RNF216: variants seen among roughly 807,000 people sequenced by gnomAD.
The protein encoded by RNF216 is E3 ubiquitin-protein ligase RNF216.
RNF216 carries 72 observed loss-of-function variants against 110.8 expected under a neutral mutation model. That is an observed-to-expected ratio of 0.65 (90% confidence interval 0.54 to 0.79). The LOEUF (loss-of-function observed/expected upper bound fraction) is 0.79. Ranked by LOEUF, RNF216 falls within the 30% of genes least tolerant of loss-of-function variation. RNF216 has a pLI of 0.00. For missense variants in RNF216, 1,342 were observed against 1,141.2 expected, an observed-to-expected ratio of 1.18 and a Z score of -2.54; for synonymous variants, 495 against 407.5, an observed-to-expected ratio of 1.21 and a Z score of -2.59.
At chr7:5,657,698 T>C (rs852518) in intron 13 of RNF216, among the ~76,000 whole-genome samples, 2,384 of 152,348 alleles carry the variant, frequency 0.016, 34 homozygotes, top group South Asian at 0.048. Context: ...CCAGGCCATC[T>C]GTGTCTTCTA....
chr7:5,749,926 T>C (rs1462056186), intron 3 of RNF216, among the ~76,000 whole-genome samples: 1 of 152,210 alleles, frequency 6.6e-6, no homozygotes, highest in Non-Finnish European at 1.5e-5. Context: ...TTTTAATGTT[T>C]TGTTTTCCAG....
At chr7:5,635,122 C>A (rs114430978) in intron 15 of RNF216, among the ~76,000 whole-genome samples, 211 of 152,218 alleles carry the variant, frequency 1.4e-3, no homozygotes, top group African/African-American at 4.8e-3. Context: ...CACATCATCT[C>A]CCTCATCTGC....
In RNF216 at chr7:5,641,245, A is replaced by C. The variant is rs1787714971; in HGVS notation, c.2291T>G (p.Ile764Ser). 2 of 1,614,204 alleles carry C rather than the reference A, an allele frequency of 1.2e-6. No individual in the cohort carries two copies. The highest frequency in any genetic ancestry group is 1.7e-6 in the Non-Finnish European group (2 of 1,180,042). The stretch of plus-strand genomic sequence containing the variant: ...TTGGCAGAAATGGTCATATCCATTA[A>C]TAGAAACTCGACAGAGGTAGCACAT... ...AQMCYLCRVSINGYDHFCQHP... is the reference protein window; with the variant it reads ...AQMCYLCRVSSNGYDHFCQHP... The change falls in exon 15 of 17, where the codon ATT (isoleucine) becomes AGT (serine). Residue 764 changes from isoleucine (I) to serine (S), a missense_variant. Physicochemically the swap from Ile to Ser is moderately radical, Grantham distance 142. Coordinates refer to ENST00000389902, the MANE Select transcript of RNF216 (RefSeq NM_207111.4).
chr7:5,646,433 C>G (rs979861911), intron 14 of RNF216, among the ~76,000 whole-genome samples: 1 of 151,934 alleles, frequency 6.6e-6, no homozygotes, highest in African/African-American at 2.4e-5. Flanking sequence ...GTGGCTCACA[C>G]CTGTAATCCC....
rs1439608918 is a variant in RNF216 at position 5,729,592 on chromosome 7, G to A, written c.1229C>T (p.Pro410Leu). 6.2e-7 allele frequency: 1 copy of A among 1,613,684 alleles called. No individual in the cohort carries two copies. Among genetic ancestry groups the A allele is most frequent in the Non-Finnish European group, 8.5e-7 (1 of 1,179,654 alleles). The change falls in exon 7 of 17, where the codon CCT becomes CTT. Residue 410 changes from proline (P) to leucine (L), a missense_variant. Coordinates refer to ENST00000389902, the MANE Select transcript of RNF216 (RefSeq NM_207111.4). Reference sequence around the variant, plus strand: ...AGAATAGTCAAAAAAGTCTATTTTAGGCAACTGAAATGAGAGAGAAGCATA... The same window carrying A: ...AGAATAGTCAAAAAAGTCTATTTTAAGCAACTGAAATGAGAGAGAAGCATA... Reference protein sequence around the residue: ...LLASQDETKLPKIDFFDYSKL... With the variant: ...LLASQDETKLLKIDFFDYSKL...
chr7:5,662,262 G>A (rs902488256), intron 13 of RNF216, among the ~76,000 whole-genome samples: 1 of 152,214 alleles, frequency 6.6e-6, no homozygotes, highest in Non-Finnish European at 1.5e-5. Flanking sequence ...ACACGTGTGA[G>A]GAAGTAGCTG....
At chr7:5,722,760 G>A (rs1234949216) in intron 8 of RNF216, among the ~76,000 whole-genome samples, 15 of 151,802 alleles carry the variant, frequency 9.9e-5, no homozygotes, top group African/African-American at 3.6e-4. Context: ...AGTGACTCAC[G>A]CCTGTAATCC....
chr7:5,671,668 G>A lies in RNF216; in HGVS notation c.2062-19158C>T, dbSNP rs147896387. On this transcript the variant is annotated intron_variant, in intron 13 of 16. Transcript: ENST00000389902. ...AAATACAAAAAAATCAGCTGGGCGC[G>A]GTGGCGGGCACCTGTAATCCCAGCT... Among the ~76,000 whole-genome samples the A allele has an allele frequency of 3.0e-3, 450 of 152,136 alleles. 1 individual carries two copies. The highest frequency in any genetic ancestry group is 0.01 in the African/African-American group (423 of 41,500).
At chr7:5,763,115 C>CA (rs201752029) in intron 1 of RNF216, among the ~76,000 whole-genome samples, 26 of 150,660 alleles carry the variant, frequency 1.7e-4, no homozygotes, top group African/African-American at 5.6e-4. Flanking sequence ...GTAATGGGGA[C>CA]AAAAAAAACA....
intron 13 of RNF216, among the ~76,000 whole-genome samples, chr7:5,672,432 C>T (rs1356580259): frequency 6.6e-6 from 1 of 152,184 alleles, no homozygotes; most frequent in Non-Finnish European, 1.5e-5. Context: ...AGAAGTGAAG[C>T]AACCAGACTT....
intron 5 of RNF216, among the ~76,000 whole-genome samples, chr7:5,735,739 C>T (rs1463482117): frequency 2.0e-5 from 3 of 152,172 alleles, no homozygotes; most frequent in Non-Finnish European, 4.4e-5. Context: ...AATCTATGGC[C>T]TGGTAGTGTA....
chr7:5,664,477 T>G (rs1188416517), intron 13 of RNF216, among the ~76,000 whole-genome samples: 3 of 152,260 alleles, frequency 2.0e-5, no homozygotes, highest in Non-Finnish European at 4.4e-5. Context: ...TAGGATGTTC[T>G]TTGTTGATTT....
chr7:5,693,057 C>T (rs1357434154), intron 13 of RNF216, among the ~76,000 whole-genome samples: 1 of 152,218 alleles, frequency 6.6e-6, no homozygotes, highest in Non-Finnish European at 1.5e-5. Flanking sequence ...ATCTTGGAGA[C>T]AGCTCCATAT....
At chr7:5,677,999 T>C (rs566241424) in intron 13 of RNF216, among the ~76,000 whole-genome samples, 2 of 152,248 alleles carry the variant, frequency 1.3e-5, no homozygotes, top group South Asian at 4.2e-4. Flanking sequence ...TAACCAGATT[T>C]TGCGACTGTT....
chr7:5,644,982 G>A (rs1428110936), intron 14 of RNF216, among the ~76,000 whole-genome samples: 3 of 151,794 alleles, frequency 2.0e-5, no homozygotes, highest in African/African-American at 4.8e-5. Flanking sequence ...GTGCCACCAC[G>A]CCTGGCTAAT....
intron 1 of RNF216, among the ~76,000 whole-genome samples, chr7:5,778,531 T>C (rs1422611173): frequency 2.6e-5 from 4 of 152,180 alleles, no homozygotes; most frequent in Non-Finnish European, 5.9e-5. Flanking sequence ...AGAACCAAAG[T>C]GTCACTTGAT....
intron 13 of RNF216, among the ~76,000 whole-genome samples, chr7:5,692,639 C>T (rs980491321): frequency 3.3e-5 from 5 of 152,222 alleles, no homozygotes; most frequent in African/African-American, 9.7e-5. Context: ...CACCACAAAA[C>T]GCCATCCCTC....
chr7:5,672,767 T>C (rs28707014), intron 13 of RNF216, among the ~76,000 whole-genome samples: 1,572 of 151,886 alleles, frequency 0.01, 29 homozygotes, highest in African/African-American at 0.036. Context: ...CAGCGCAAGG[T>C]AGAGGATGGA....
At chr7:5,773,896 A>T (rs1234020001) in intron 1 of RNF216, among the ~76,000 whole-genome samples, 1 of 152,150 alleles carries the variant, frequency 6.6e-6, no homozygotes, top group African/African-American at 2.4e-5. Flanking sequence ...TTCTTTGACC[A>T]CAACTGGCTT....
Sources: gnomAD v4.1 joint callset for allele counts (sites outside exome capture counted in the v4.1 genomes callset) on GRCh38, gnomAD v4.1.1 for gene constraint, MANE v1.5 for transcripts, NCBI Gene and HGNC (gene_info 2026-07-23, HGNC 2026-07-21) for gene names.